PLCL2: variants seen among roughly 807,000 people sequenced by gnomAD.
PLCL2 encodes phospholipase C like 2, also known as inactive phospholipase C-like protein 2.
A neutral mutation model predicts 79.6 loss-of-function variants in PLCL2; 4 were observed. The observed-to-expected ratio is 0.05, with a 90% CI of 0.02 to 0.11. The LOEUF is 0.11. Ranked by LOEUF, PLCL2 falls within the 10% of genes least tolerant of loss-of-function variation. The pLI is 1.00. For missense variants in PLCL2, 895 were observed against 1,291.0 expected, an observed-to-expected ratio of 0.69 and a Z score of 4.70; for synonymous variants, 484 against 457.7, an observed-to-expected ratio of 1.06 and a Z score of -0.73.
intron 1 of PLCL2, among the ~76,000 whole-genome samples, chr3:16,961,857 A>G (rs945794374): frequency 6.6e-6 from 1 of 152,184 alleles, no homozygotes; most frequent in Admixed American, 6.5e-5. Context: ...AAAGGCGGTG[A>G]GGGGAAAGGG....
intron 3 of PLCL2, among the ~76,000 whole-genome samples, chr3:17,036,558 T>A (rs2064657803): frequency 1.3e-5 from 2 of 152,158 alleles, no homozygotes; most frequent in African/African-American, 4.8e-5. Context: ...CTCAGAGAGG[T>A]GTTTCTCTCA....
Position 17,041,682 on chromosome 3 carries a change from G to A in PLCL2, c.3019-1192G>A, listed in dbSNP as rs79138761. On this transcript the variant is annotated intron_variant, in intron 3 of 5. Coordinates refer to ENST00000615277, the MANE Select transcript of PLCL2 (RefSeq NM_001144382.2). ...AGGCAGGCCAGGTGCGGTGGCTTAT[G>A]CCTGTAATGCCAGCACTTGGGAGGC... Among the ~76,000 whole-genome samples, 47 of 152,308 alleles carry A rather than the reference G, an allele frequency of 3.1e-4. 4 individuals carry two copies. The East Asian group carries it at 9.1e-3, about 29-fold the overall frequency.
chr3:17,043,844 AT>A (rs2064753880), intron 4 of PLCL2, among the ~76,000 whole-genome samples: 1 of 152,142 alleles, frequency 6.6e-6, no homozygotes, highest in Non-Finnish European at 1.5e-5. Context: ...CACAATCCCC[AT>A]CTTGTTTTAC....
intron 1 of PLCL2, 84 bp downstream of exon 1, chr3:16,885,450 G>A: frequency 1.9e-6 from 1 of 523,398 alleles, no homozygotes; most frequent in Non-Finnish European, 3.4e-6. Flanking sequence ...GGTGGAAGGA[G>A]GAAGCCCACT....
intron 1 of PLCL2, among the ~76,000 whole-genome samples, chr3:16,893,973 A>T (rs1696411773): frequency 1.3e-5 from 2 of 152,166 alleles, no homozygotes; most frequent in African/African-American, 4.8e-5. Flanking sequence ...CCAGGAAGGG[A>T]TAGGCTGTTC....
chr3:16,976,859 A>G (rs2063932119), intron 1 of PLCL2, among the ~76,000 whole-genome samples: 1 of 152,208 alleles, frequency 6.6e-6, no homozygotes, highest in Admixed American at 6.5e-5. Context: ...GACCTGTCAT[A>G]GATCACTCCC....
chr3:17,013,181 G>A (rs1264021499), intron 2 of PLCL2, among the ~76,000 whole-genome samples: 1 of 152,182 alleles, frequency 6.6e-6, no homozygotes, highest in Non-Finnish European at 1.5e-5. Context: ...CAAGCGCATT[G>A]TCCACTGCCC....
chr3:17,041,893 A>G (rs751236658), intron 3 of PLCL2, among the ~76,000 whole-genome samples: 7 of 152,134 alleles, frequency 4.6e-5, no homozygotes, highest in Non-Finnish European at 8.8e-5. Flanking sequence ...GCACTGAGCT[A>G]TGATTGCACC....
rs139046275 is a variant in PLCL2 at position 17,082,754 on chromosome 3, T to C, written c.3205-6979T>C. The stretch of plus-strand genomic sequence containing the variant: ...ACCCTGTCATCATGTGGTAGATCTA[T>C]ATATGCTGACACGGAAAGATCACTA... On this transcript the variant is annotated intron_variant, in intron 5 of 5. Coordinates refer to ENST00000615277, the MANE Select transcript of PLCL2 (RefSeq NM_001144382.2). 9.3e-3 allele frequency among the ~76,000 whole-genome samples: 1,410 copies of C among 152,270 alleles called. 9 individuals are homozygous for C. The highest frequency in any genetic ancestry group is 0.024 in the Middle Eastern group (7 of 294).
At position 16,926,936 on chromosome 3, in the gene PLCL2, T is replaced by TAAAA. The variant is rs1410564651; in HGVS notation, c.327+41570_327+41571insAAAA. ...AAGCCACCGCGCCCGGCCACATTTT[T>TAAAA]TTTTAAGGCTAAGGAAGAACGGGAA... is the stretch of plus-strand genomic sequence containing the variant. On this transcript the variant is annotated intron_variant, in intron 1 of 5. Transcript: ENST00000615277. 2.7e-4 allele frequency among the ~76,000 whole-genome samples: 41 copies of TAAAA among 152,316 alleles called. No individual in the cohort carries two copies. The South Asian group carries it at 8.3e-3, about 31-fold the overall frequency.
chr3:16,939,906 C>G (rs1475926024), intron 1 of PLCL2, among the ~76,000 whole-genome samples: 1 of 152,104 alleles, frequency 6.6e-6, no homozygotes, highest in Non-Finnish European at 1.5e-5. Flanking sequence ...ATTGGGGGAA[C>G]AGAGGGAAGA....
At chr3:17,020,385 G>A (rs2064435769) in intron 3 of PLCL2, among the ~76,000 whole-genome samples, 1 of 152,004 alleles carries the variant, frequency 6.6e-6, no homozygotes, top group Non-Finnish European at 1.5e-5. Context: ...GGAGAGAAGA[G>A]GAAAAAAATA....
rs9844511 is a variant in PLCL2 at position 16,981,280 on chromosome 3, C to T, written c.328-28394C>T. On this transcript the variant is annotated intron_variant, in intron 1 of 5. Coordinates refer to ENST00000615277, the MANE Select transcript of PLCL2 (RefSeq NM_001144382.2). ...AAATGGAAGCAAGTACATTTTCCCC[C>T]AGGTTACTTTCCATTTTAATTTAAG... Among the ~76,000 whole-genome samples the T allele has an allele frequency of 2.9e-3, 438 of 152,302 alleles. 4 individuals are homozygous for T. The highest frequency in any genetic ancestry group is 7.9e-3 in the African/African-American group (327 of 41,568).
intron 4 of PLCL2, among the ~76,000 whole-genome samples, chr3:17,057,314 G>C (rs772902159): frequency 1.3e-5 from 2 of 152,090 alleles, no homozygotes; most frequent in Non-Finnish European, 2.9e-5. Context: ...CTTGTCTCAA[G>C]TTCTATCTGT....
At chr3:17,059,452 G>GTA (rs1238098582) in intron 4 of PLCL2, among the ~76,000 whole-genome samples, 1 of 150,470 alleles carries the variant, frequency 6.6e-6, no homozygotes, top group Non-Finnish European at 1.5e-5. Context: ...GTGTGTGTGT[G>GTA]TATATATATG....
At chr3:17,048,520 A>T (rs1274354372) in intron 4 of PLCL2, among the ~76,000 whole-genome samples, 1 of 152,230 alleles carries the variant, frequency 6.6e-6, no homozygotes, top group East Asian at 1.9e-4. Flanking sequence ...AAAATTTATC[A>T]AAACTTATGC....
chr3:17,083,953 C>T (rs1272579821), intron 5 of PLCL2, among the ~76,000 whole-genome samples: 1 of 152,022 alleles, frequency 6.6e-6, no homozygotes, highest in Non-Finnish European at 1.5e-5. Context: ...GAGCATACAT[C>T]AATGACATTA....
intron 3 of PLCL2, among the ~76,000 whole-genome samples, chr3:17,029,739 G>C (rs140107114): frequency 1.7e-3 from 264 of 152,172 alleles, no homozygotes; most frequent in Non-Finnish European, 3.1e-3. Context: ...AACACCTACT[G>C]ACCCTGGTGA....
chr3:17,073,777 T>G (rs1196795868), intron 5 of PLCL2, among the ~76,000 whole-genome samples: 2 of 152,242 alleles, frequency 1.3e-5, no homozygotes, highest in African/African-American at 4.8e-5. Context: ...TCTTTGCTCA[T>G]TCATAAGAAG....
Sources: gnomAD v4.1 joint callset for allele counts (sites outside exome capture counted in the v4.1 genomes callset) on GRCh38, gnomAD v4.1.1 for gene constraint, MANE v1.5 for transcripts, NCBI Gene and HGNC (gene_info 2026-07-23, HGNC 2026-07-21) for gene names.